KDM4C: variants seen among roughly 807,000 people sequenced by gnomAD.
KDM4C encodes lysine demethylase 4C.
A neutral mutation model predicts 129.3 loss-of-function variants in KDM4C; 81 were observed. The observed-to-expected ratio is 0.63, with a 90% CI of 0.52 to 0.75. KDM4C has a LOEUF of 0.75. Ranked by LOEUF, KDM4C falls within the 30% of genes least tolerant of loss-of-function variation. KDM4C has a pLI of 0.00. For synonymous variants in KDM4C, 573 were observed against 456.1 expected, an observed-to-expected ratio of 1.26 and a Z score of -3.26; for missense variants, 1,457 against 1,304.0, an observed-to-expected ratio of 1.12 and a Z score of -1.81.
At chr9:7,117,053 A>T in intron 18 of KDM4C, among the ~76,000 whole-genome samples, 1 of 152,116 alleles carries the variant, frequency 6.6e-6, no homozygotes, top group Non-Finnish European at 1.5e-5. Context: ...TATTATGATT[A>T]TACCCATGTG....
At chr9:7,091,970 T>C (rs1440782406) in intron 17 of KDM4C, among the ~76,000 whole-genome samples, 3 of 152,242 alleles carry the variant, frequency 2.0e-5, no homozygotes, top group African/African-American at 4.8e-5. Flanking sequence ...TTAACGTCCC[T>C]TACTTTTTGT....
intron 8 of KDM4C, among the ~76,000 whole-genome samples, chr9:6,951,923 T>A (rs897928736): frequency 1.2e-4 from 18 of 152,348 alleles, no homozygotes; most frequent in Admixed American, 8.5e-4. Flanking sequence ...TTTTAAGTTT[T>A]AAATTTTTTT....
rs551597694 is a variant in KDM4C at position 6,794,089 on chromosome 9, T to C, written c.144+957T>C. Among the ~76,000 whole-genome samples the C allele has an allele frequency of 1.1e-4, 16 of 152,346 alleles. 1 individual carries two copies. The South Asian group carries it at 3.1e-3, about 30-fold the overall frequency. Reference sequence around the variant, plus strand: ...CAACCACAAACTGACTTATTCTCTCTCTACATTTGCCTATTCTCTTTTCTT... The same window carrying C: ...CAACCACAAACTGACTTATTCTCTCCCTACATTTGCCTATTCTCTTTTCTT... On this transcript the variant is annotated intron_variant, in intron 2 of 21. Transcript: ENST00000381309.
At chr9:6,866,955 A>G (rs2130580739) in intron 5 of KDM4C, among the ~76,000 whole-genome samples, 1 of 143,392 alleles carries the variant, frequency 7.0e-6, no homozygotes, top group South Asian at 2.2e-4. Flanking sequence ...ATATATGTGT[A>G]TATAAAAATA....
At chr9:7,053,093 C>T (rs10976010) in intron 17 of KDM4C, among the ~76,000 whole-genome samples, 2,543 of 152,244 alleles carry the variant, frequency 0.017, 62 homozygotes, top group African/African-American at 0.047. Flanking sequence ...AAGCTAGTAA[C>T]TGCAAGAGGC....
chr9:7,011,856 A>T lies in KDM4C; in HGVS notation c.1945A>T (p.Thr649Ser), dbSNP rs1388137428. ...GATGAAGCCACACTGTGCCATCTGC[A>T]CTCTGCTCATGCCGTACCACAAGGT... ...ARMKPHCAIC[T>S]LLMPYHKPDS... is the part of the protein sequence containing the mutation. Residue 649 changes from threonine (T) to serine (S), a missense_variant, in exon 13 of 22, where the codon ACT becomes TCT. Thr to Ser is a moderately conservative substitution (Grantham distance 58). Transcript: ENST00000381309. The T allele has an allele frequency of 6.2e-6, 10 of 1,613,620 alleles. No homozygotes were observed. Among genetic ancestry groups the T allele is most frequent in the Non-Finnish European group, 6.8e-6 (8 of 1,179,942 alleles).
Position 6,990,484 on chromosome 9 carries a change from T to G in KDM4C, c.1746T>G (p.Ser582=), listed in dbSNP as rs2131911606. The change falls in exon 12 of 22, where the codon TCT becomes TCG. Residue 582 remains serine, a synonymous_variant. Coordinates refer to ENST00000381309, the MANE Select transcript of KDM4C (RefSeq NM_015061.6). ...CACTTAGCAGGCCTCCAGCAAGATC[T>G]CCGATGACTCTTGTGAAGCAGCAGG... The part of the protein sequence containing the change: ...RHPLSRPPAR[S]PMTLVKQQAP... The G allele has an allele frequency of 1.2e-6, 2 of 1,613,138 alleles. No individual in the cohort carries two copies. The highest frequency in any genetic ancestry group is 8.5e-7 in the Non-Finnish European group (1 of 1,179,744).
In KDM4C at chr9:7,013,798, G is replaced by A. The variant is rs749894690; in HGVS notation, c.1979G>A (p.Ser660Asn). The change falls in exon 14 of 22, where the codon AGC (serine) becomes AAC (asparagine). Residue 660 changes from serine (S) to asparagine (N), a missense_variant. Physicochemically the swap from Ser to Asn is conservative, Grantham distance 46 (BLOSUM62 1). Coordinates refer to ENST00000381309, the MANE Select transcript of KDM4C (RefSeq NM_015061.6). ...CGTTATGTTTTTCAGCCAGATAGCA[G>A]CAATGAAGAAAATGATGCTAGATGG... ...LLMPYHKPDS[S>N]NEENDARWET... The A allele has an allele frequency of 8.7e-6, 14 of 1,613,556 alleles. No homozygotes were observed. The Admixed American group carries it at 1.3e-4, about 15-fold the overall frequency.
At chr9:6,814,252 G>A (rs140671104) in intron 3 of KDM4C, among the ~76,000 whole-genome samples, 1 of 151,922 alleles carries the variant, frequency 6.6e-6, no homozygotes, top group Non-Finnish European at 1.5e-5. Flanking sequence ...TGAGATTATT[G>A]TTTGTCAGTG....
At chr9:7,097,826 C>T (rs1041326236) in intron 17 of KDM4C, among the ~76,000 whole-genome samples, 4 of 152,124 alleles carry the variant, frequency 2.6e-5, no homozygotes, top group African/African-American at 7.2e-5. Flanking sequence ...TTTCATCTGC[C>T]TTTGCATTTT....
At chr9:7,146,936 C>T (rs992245129) in intron 19 of KDM4C, among the ~76,000 whole-genome samples, 1 of 152,108 alleles carries the variant, frequency 6.6e-6, no homozygotes, top group African/African-American at 2.4e-5. Context: ...ATTTTTAATC[C>T]CAAAGGTGGC....
intron 19 of KDM4C, among the ~76,000 whole-genome samples, chr9:7,157,191 G>T (rs1360754063): frequency 6.6e-6 from 1 of 152,118 alleles, no homozygotes; most frequent in African/African-American, 2.4e-5. Flanking sequence ...TGTGATTTTT[G>T]CACATTGATT....
rs116306373 is a variant in KDM4C at position 7,023,988 on chromosome 9, A to G, written c.2259+8059A>G. ...TTCTATTTTTATTCCATTGTGGTCA[A>G]AGAAGATGCTTGATATTATTGCACT... On this transcript the variant is annotated intron_variant, in intron 15 of 21. Transcript: ENST00000381309. 8.5e-3 allele frequency among the ~76,000 whole-genome samples: 1,299 copies of G among 152,302 alleles called. 20 individuals carry two copies. Among genetic ancestry groups the G allele is most frequent in the African/African-American group, 0.029 (1,204 of 41,570 alleles).
chr9:6,941,247 G>A (rs1239949320), intron 8 of KDM4C, among the ~76,000 whole-genome samples: 1 of 152,164 alleles, frequency 6.6e-6, no homozygotes, highest in African/African-American at 2.4e-5. Context: ...GACCTCAAGT[G>A]ATCTGCCGGC....
chr9:6,816,770 C>T (rs1293596900), intron 4 of KDM4C, among the ~76,000 whole-genome samples: 4 of 151,506 alleles, frequency 2.6e-5, no homozygotes, highest in African/African-American at 4.8e-5. Context: ...TGATTTTTTC[C>T]CCTTATGTTC....
intron 8 of KDM4C, among the ~76,000 whole-genome samples, chr9:6,908,715 T>C (rs1818763949): frequency 6.6e-6 from 1 of 152,084 alleles, no homozygotes; most frequent in Non-Finnish European, 1.5e-5. Context: ...ATTGGGGACA[T>C]TAAGTAGATT....
At chr9:7,063,625 T>C (rs1011660816) in intron 17 of KDM4C, among the ~76,000 whole-genome samples, 6 of 152,240 alleles carry the variant, frequency 3.9e-5, no homozygotes, top group African/African-American at 1.4e-4. Context: ...TTATTGAAAT[T>C]TAAACAGACA....
At chr9:7,023,371 T>A (rs915799964) in intron 15 of KDM4C, among the ~76,000 whole-genome samples, 2 of 152,150 alleles carry the variant, frequency 1.3e-5, no homozygotes, top group Non-Finnish European at 1.5e-5. Flanking sequence ...TCTTAGTAGG[T>A]TGAATATTTC....
intron 10 of KDM4C, among the ~76,000 whole-genome samples, chr9:6,985,984 C>T (rs1489321962): frequency 6.6e-6 from 1 of 152,244 alleles, no homozygotes; most frequent in Admixed American, 6.5e-5. Flanking sequence ...AGCCACCGTG[C>T]CCGGCTCCTC....
Sources: gnomAD v4.1 joint callset for allele counts (sites outside exome capture counted in the v4.1 genomes callset) on GRCh38, gnomAD v4.1.1 for gene constraint, MANE v1.5 for transcripts, NCBI Gene and HGNC (gene_info 2026-07-23, HGNC 2026-07-21) for gene names.